PRMT3: variants seen among roughly 807,000 people sequenced by gnomAD.
PRMT3 encodes the protein protein arginine N-methyltransferase 3.
In PRMT3, 62 loss-of-function variants were observed where a neutral mutation model predicts 71.9. That is an observed-to-expected ratio of 0.86 (90% CI 0.70 to 1.07). PRMT3 has a LOEUF of 1.07. Among genes scored for constraint, PRMT3 ranks in the 50% least tolerant of loss-of-function variants. The pLI is 0.00. For synonymous variants in PRMT3, 213 were observed against 220.4 expected (o/e 0.97, Z 0.30); for missense variants, 663 against 643.0 (o/e 1.03, Z -0.34).
intron 9 of PRMT3, among the ~76,000 whole-genome samples, chr11:20,410,698 A>G (rs7129309): frequency 0.9 from 136,657 of 152,004 alleles, 62,446 homozygotes; most frequent in Non-Finnish European, 0.99. Flanking sequence ...GCCCAGAATA[A>G]TTTGGGATTA....
chr11:20,498,774 G>A (rs1195950357), intron 15 of PRMT3, among the ~76,000 whole-genome samples: 4 of 152,160 alleles, frequency 2.6e-5, no homozygotes, highest in Non-Finnish European at 5.9e-5. Context: ...TAGGAAAGAT[G>A]ATTAATTGAA....
At chr11:20,504,741 A>AGAGAGAGAGAGAGC (rs1565243517) in intron 15 of PRMT3, among the ~76,000 whole-genome samples, 3 of 137,630 alleles carry the variant, frequency 2.2e-5, no homozygotes, top group African/African-American at 7.7e-5. Flanking sequence ...AGAGAGAGAG[A>AGAGAGAGAGAGAGC]GAGAGCGAGA....
chr11:20,465,467 A>G (rs1329864262), intron 13 of PRMT3, among the ~76,000 whole-genome samples: 2 of 152,164 alleles, frequency 1.3e-5, no homozygotes, highest in East Asian at 3.9e-4. Flanking sequence ...AAGTCATGTT[A>G]ACATTGAGTC....
chr11:20,427,463 A>G (rs906781754), intron 10 of PRMT3, among the ~76,000 whole-genome samples: 1 of 152,196 alleles, frequency 6.6e-6, no homozygotes, highest in Non-Finnish European at 1.5e-5. Flanking sequence ...GGTGGCTCAC[A>G]CCTTTAATCC....
At chr11:20,388,382 A>G (rs377350850) in intron 2 of PRMT3, among the ~76,000 whole-genome samples, 9 of 152,252 alleles carry the variant, frequency 5.9e-5, no homozygotes, top group East Asian at 5.8e-4. Flanking sequence ...CTGGTAGTGC[A>G]TTGAATCTGT....
In PRMT3 at chr11:20,508,441, A is replaced by G; in HGVS notation, c.*28A>G. 2.7e-6 allele frequency: 4 copies of G among 1,500,982 alleles called. No individual in the cohort carries two copies. The Middle Eastern group carries it at 6.8e-4, about 256-fold the overall frequency. 93.0% of individuals were successfully genotyped at this position (1,500,982 alleles called of 1,614,324 possible). A position where few individuals can be genotyped will look rare whatever the true frequency, so the allele number is the denominator to read the frequency against. On this transcript the variant is annotated 3_prime_UTR_variant, in exon 16 of 16. Transcript: ENST00000331079. ...CAGCCATAAAAGCACACTACCTTGT[A>G]GTTTTTAATGTGGGGGTAGAGTGGG...
At chr11:20,392,822 A>T in intron 4 of PRMT3, 75 bp from the exon 5 acceptor site, 1 of 957,010 alleles carries the variant, frequency 1.0e-6, no homozygotes, top group Admixed American at 2.2e-5. Flanking sequence ...TTTTTGTTTA[A>T]TTTCTGTAGT....
chr11:20,397,866 C>T (rs1242480320), intron 7 of PRMT3, 145 bp downstream of exon 7: 8 of 810,186 alleles, frequency 9.9e-6, no homozygotes, highest in Non-Finnish European at 1.5e-5. Flanking sequence ...TGCTTGGTAT[C>T]TCATCTTGGG....
intron 8 of PRMT3, among the ~76,000 whole-genome samples, chr11:20,403,595 C>CA (rs1848997580): frequency 6.7e-6 from 1 of 149,978 alleles, no homozygotes; most frequent in African/African-American, 2.4e-5. Flanking sequence ...CTTCCTTACA[C>CA]TTTTTTTTTT....
At chr11:20,455,669 G>A (rs947013769) in intron 11 of PRMT3, among the ~76,000 whole-genome samples, 1 of 151,254 alleles carries the variant, frequency 6.6e-6, no homozygotes, top group African/African-American at 2.5e-5. Context: ...ATGGGGGGTA[G>A]CAGAAGGAAT....
chr11:20,480,201 T>G (rs965108661), intron 13 of PRMT3, among the ~76,000 whole-genome samples: 2 of 152,298 alleles, frequency 1.3e-5, no homozygotes, highest in South Asian at 2.1e-4. Flanking sequence ...TCTGGAGTAC[T>G]AGGAGTGGTC....
rs771208961 is a variant in PRMT3 at position 20,392,269 on chromosome 11, A to G, written c.297+9A>G. On this transcript the variant is annotated intron_variant, in intron 4 of 15. Coordinates refer to ENST00000331079, the MANE Select transcript of PRMT3 (RefSeq NM_005788.4). ...ATTTTATTAGACTTAAGGTAAGTTG[A>G]CAGCTTAATTTATAATTTCGTTTAG... 13 of 1,557,114 alleles carry G rather than the reference A, an allele frequency of 8.3e-6. No individual in the cohort carries two copies. The highest frequency in any genetic ancestry group is 2.6e-6 in the Non-Finnish European group (3 of 1,142,650).
At chr11:20,411,047 G>C (rs914600940) in intron 9 of PRMT3, among the ~76,000 whole-genome samples, 6 of 152,066 alleles carry the variant, frequency 3.9e-5, no homozygotes, top group Admixed American at 1.3e-4. Context: ...AGTTAACTCA[G>C]CTAAGTAAGC....
intron 10 of PRMT3, among the ~76,000 whole-genome samples, chr11:20,431,498 G>C (rs1374532428): frequency 1.3e-5 from 2 of 152,120 alleles, no homozygotes; most frequent in African/African-American, 4.8e-5. Flanking sequence ...TGTAACTCAT[G>C]AGCGAGCTAC....
chr11:20,487,545 T>G (rs1356879733), intron 13 of PRMT3, among the ~76,000 whole-genome samples: 1 of 152,196 alleles, frequency 6.6e-6, no homozygotes, highest in East Asian at 1.9e-4. Context: ...CATAGGTGCA[T>G]GAGGGGGACT....
chr11:20,508,227 T>A, intron 15 of PRMT3, 77 bp from the exon 16 acceptor site: 1 of 669,858 alleles, frequency 1.5e-6, no homozygotes, highest in Middle Eastern at 3.2e-4. Context: ...TAAAAAGAAG[T>A]GCTAGTTATA....
intron 13 of PRMT3, among the ~76,000 whole-genome samples, chr11:20,475,348 G>T (rs1850754670): frequency 6.6e-6 from 1 of 152,164 alleles, no homozygotes; most frequent in Non-Finnish European, 1.5e-5. Flanking sequence ...TTCTCTGTGG[G>T]TTGAGATGTT....
At chr11:20,418,014 CA>C (rs1849346440) in intron 9 of PRMT3, among the ~76,000 whole-genome samples, 1 of 152,002 alleles carries the variant, frequency 6.6e-6, no homozygotes. Context: ...ATGCTTCGTG[CA>C]AGATAATTAA....
rs1225036265 is a variant in PRMT3, at chr11:20,389,835, T to A, written c.247+9T>A. On this transcript the variant is annotated intron_variant, in intron 3 of 15. Transcript: ENST00000331079. ...CATGGTTCATAAACATGGTGAGTAG[T>A]TTTTAGAATAAAGGCAATTTAATTT... is the stretch of plus-strand genomic sequence containing the variant. The A allele has an allele frequency of 1.3e-6, 2 of 1,591,618 alleles. No individual in the cohort carries two copies. Among genetic ancestry groups the A allele is most frequent in the East Asian group, 4.5e-5 (2 of 44,686 alleles).
Sources: gnomAD v4.1 joint callset for allele counts (sites outside exome capture counted in the v4.1 genomes callset) on GRCh38, gnomAD v4.1.1 for gene constraint, MANE v1.5 for transcripts, NCBI Gene and HGNC (gene_info 2026-07-23, HGNC 2026-07-21) for gene names.